WAC: variants seen among roughly 807,000 people sequenced by gnomAD.
WAC encodes WW domain-containing adapter protein with coiled-coil.
A neutral mutation model predicts 79.6 loss-of-function variants in WAC; 11 were observed. That is an observed-to-expected ratio of 0.14 (90% CI 0.09 to 0.23). The LOEUF is 0.23. Among genes scored for constraint, WAC ranks in the 10% least tolerant of loss-of-function variants. WAC has a pLI of 1.00. For missense variants in WAC, 728 were observed against 773.5 expected, an observed-to-expected ratio of 0.94 and a Z score of 0.70; for synonymous variants, 304 against 276.9, an observed-to-expected ratio of 1.10 and a Z score of -0.97.
chr10:28,601,121 C>T (rs1198343652), intron 7 of WAC, among the ~76,000 whole-genome samples: 2 of 152,006 alleles, frequency 1.3e-5, no homozygotes, highest in Non-Finnish European at 2.9e-5. Flanking sequence ...ACTTGTACAT[C>T]AAAGGGAGTG....
intron 3 of WAC, among the ~76,000 whole-genome samples, chr10:28,571,161 C>G (rs563938368): frequency 6.6e-6 from 1 of 151,840 alleles, no homozygotes; most frequent in African/African-American, 2.4e-5. Context: ...AACTCCTGAC[C>G]TCACGTGATC....
chr10:28,610,903 T>C (rs910901423), intron 9 of WAC, 82 bp downstream of exon 9: 382 of 1,393,758 alleles, frequency 2.7e-4, no homozygotes, highest in Non-Finnish European at 3.4e-4. Context: ...GTATTTAGTT[T>C]TTTCTTTCAT....
intron 3 of WAC, among the ~76,000 whole-genome samples, chr10:28,562,602 T>G (rs1250518226): frequency 6.6e-6 from 1 of 152,188 alleles, no homozygotes; most frequent in South Asian, 2.1e-4. Context: ...TTGAATATAT[T>G]TTCAGAACAT....
intron 3 of WAC, among the ~76,000 whole-genome samples, chr10:28,552,493 C>A (rs535707546): frequency 6.6e-6 from 1 of 151,940 alleles, no homozygotes; most frequent in African/African-American, 2.4e-5. Context: ...ATATAGAGGG[C>A]TTGTGTTTTG....
chr10:28,598,811 G>A (rs936707713), intron 7 of WAC, among the ~76,000 whole-genome samples: 4 of 152,152 alleles, frequency 2.6e-5, no homozygotes, highest in Non-Finnish European at 4.4e-5. Flanking sequence ...TAAATTTCAC[G>A]AAGTGTGTTT....
At chr10:28,612,070 A>G in intron 10 of WAC, 148 bp downstream of exon 10, 1 of 985,534 alleles carries the variant, frequency 1.0e-6, no homozygotes, top group Non-Finnish European at 1.5e-6. Context: ...TGCAGCCTAG[A>G]ATTTCTCAGT....
At chr10:28,594,890 C>T (rs1305671540) in intron 6 of WAC, among the ~76,000 whole-genome samples, 4 of 151,948 alleles carry the variant, frequency 2.6e-5, no homozygotes, top group African/African-American at 9.7e-5. Flanking sequence ...TTGAAATTTT[C>T]GTTCTTTTTG....
At chr10:28,551,458 C>T (rs935136587) in intron 3 of WAC, among the ~76,000 whole-genome samples, 2 of 152,158 alleles carry the variant, frequency 1.3e-5, no homozygotes, top group Non-Finnish European at 2.9e-5. Flanking sequence ...CTATTATAAT[C>T]GAGCAGTGGC....
chr10:28,548,421 G>A (rs1837484517), intron 3 of WAC, among the ~76,000 whole-genome samples: 1 of 152,086 alleles, frequency 6.6e-6, no homozygotes, highest in Non-Finnish European at 1.5e-5. Flanking sequence ...TAAATAGTAA[G>A]TACAGTAGTT....
At chr10:28,616,470 T>G in intron 12 of WAC, 108 bp downstream of exon 12, 2 of 927,272 alleles carry the variant, frequency 2.2e-6, no homozygotes, top group Non-Finnish European at 3.0e-6. Context: ...ATATTTAAAA[T>G]AATGAATCTC....
intron 13 of WAC, among the ~76,000 whole-genome samples, chr10:28,619,055 G>T (rs916576164): frequency 1.3e-5 from 2 of 152,230 alleles, no homozygotes; most frequent in African/African-American, 2.4e-5. Flanking sequence ...AAGGTGGGCG[G>T]ATCACCTGAG....
intron 8 of WAC, among the ~76,000 whole-genome samples, chr10:28,609,132 C>T (rs1009100223): frequency 5.3e-5 from 8 of 152,272 alleles, no homozygotes; most frequent in South Asian, 2.1e-4. Flanking sequence ...TAGGCCGAGG[C>T]GGGTGGATCA....
chr10:28,556,388 ATTTTTTTTTTTTTT>A (rs764934182), intron 3 of WAC, among the ~76,000 whole-genome samples: 4 of 55,090 alleles, frequency 7.3e-5, no homozygotes, highest in Non-Finnish European at 1.3e-4. Flanking sequence ...TGCCCATTAA[ATTTTTTTTTTTTTT>A]TTTTTTTTTT....
chr10:28,617,974 C>G (rs1278684016), intron 13 of WAC, 190 bp downstream of exon 13: 1 of 546,682 alleles, frequency 1.8e-6, no homozygotes, highest in African/African-American at 2.0e-5. Context: ...TTTCTCTTAA[C>G]CCATGATGAA....
intron 3 of WAC, among the ~76,000 whole-genome samples, chr10:28,559,278 G>A (rs1838178840): frequency 6.6e-6 from 1 of 152,082 alleles, no homozygotes; most frequent in Non-Finnish European, 1.5e-5. Context: ...GGAAGTAGGA[G>A]TTGCTTTTTT....
chr10:28,546,172 G>A (rs187010081), intron 3 of WAC, among the ~76,000 whole-genome samples: 173 of 152,268 alleles, frequency 1.1e-3, no homozygotes, highest in African/African-American at 3.4e-3. Flanking sequence ...TACTATTGGC[G>A]TCTTCCTAAA....
At chr10:28,561,759 C>T (rs944676248) in intron 3 of WAC, among the ~76,000 whole-genome samples, 1 of 152,132 alleles carries the variant, frequency 6.6e-6, no homozygotes, top group Admixed American at 6.5e-5. Flanking sequence ...GCCGGAGTTC[C>T]GCCTCCTGTC....
intron 7 of WAC, among the ~76,000 whole-genome samples, chr10:28,604,047 AGTTTTGTTGCCTTTGT>A (rs1840802542): frequency 6.8e-6 from 1 of 146,144 alleles, no homozygotes; most frequent in Non-Finnish European, 1.5e-5. Flanking sequence ...GTTATTCCAA[AGTTTTGTTGCCTTTGT>A]GTTTACAAAA....
intron 3 of WAC, among the ~76,000 whole-genome samples, chr10:28,570,190 A>G (rs878916636): frequency 6.6e-6 from 1 of 152,218 alleles, no homozygotes; most frequent in African/African-American, 2.4e-5. Context: ...TATTTTTGGG[A>G]AAAGTACTAT....
Sources: allele counts gnomAD v4.1 joint callset (sites outside exome capture counted in the v4.1 genomes callset), GRCh38; gene constraint gnomAD v4.1.1; transcripts MANE v1.5; gene names NCBI Gene and HGNC (gene_info 2026-07-23, HGNC 2026-07-21).